GIMD1: variants seen among roughly 807,000 people sequenced by gnomAD.
GIMD1 encodes the protein GIMAP family P-loop NTPase domain containing 1.
In GIMD1, 14 loss-of-function variants were observed where a neutral mutation model predicts 14.9. That is an observed-to-expected ratio of 0.94 (90% CI 0.62 to 1.47). The LOEUF is 1.47. Ranked by LOEUF, GIMD1 falls within the 40% of genes most tolerant of loss-of-function variation. The probability of loss-of-function intolerance (pLI) is 0.00; values close to 1 mark genes in which losing one functional copy is unlikely to be tolerated. For synonymous variants in GIMD1, 91 were observed against 90.5 expected, an observed-to-expected ratio of 1.01 and a Z score of -0.03; for missense variants, 272 against 255.3, an observed-to-expected ratio of 1.07 and a Z score of -0.44.
chr4:106,367,867 G>A (rs957476498), intron 1 of GIMD1, among the ~76,000 whole-genome samples: 9 of 152,134 alleles, frequency 5.9e-5, no homozygotes. Context: ...AGTAAGAATA[G>A]AACAGTAGAA....
Position 106,367,424 on chromosome 4 carries a change from G to A in GIMD1, c.12C>T (p.Pro4=). The A allele has an allele frequency of 6.5e-7, 1 of 1,532,742 alleles. No homozygotes were observed. The highest frequency in any genetic ancestry group is 8.7e-7 in the Non-Finnish European group (1 of 1,144,832). 94.9% of individuals were successfully genotyped at this position (1,532,742 alleles called of 1,614,324 possible). Residue 4 remains proline (P), a synonymous_variant, in exon 2 of 3, where the codon CCC becomes CCT. Transcript: ENST00000638719. MTD[P]NKMIINLALF... is the part of the protein sequence containing the mutation. ...GGGCCAAGTTGATGATCATCTTGTT[G>A]GGGTCTGTCATGGCTGTAGGAAAAC...
At chr4:106,366,977 A>C (rs1770711859) in intron 2 of GIMD1, 66 bp downstream of exon 2, 1 of 444,982 alleles carries the variant, frequency 2.2e-6, no homozygotes, top group South Asian at 1.0e-4. Flanking sequence ...TATTATTATT[A>C]TACTATTAGG....
At position 106,358,063 on chromosome 4, in the gene GIMD1, G is replaced by A. The variant is rs1770558131; in HGVS notation, c.*120C>T. ...AGTTTTCCAAAGTGGTTATACCAAT[G>A]TACACTCTCACCAGCAGCATATCAG... On this transcript the variant is annotated 3_prime_UTR_variant, in exon 3 of 3. Transcript: ENST00000638719. 6 of 661,238 alleles carry A rather than the reference G, an allele frequency of 9.1e-6. No homozygotes were observed. The South Asian group carries it at 1.1e-4, about 12-fold the overall frequency. 41.0% of individuals were successfully genotyped at this position (661,238 alleles called of 1,614,324 possible).
Position 106,367,324 on chromosome 4 carries a change from A to C in GIMD1, c.112T>G (p.Phe38Val). ...LLGSTDFHSS[F>V]APCSVTTCCS... ...CATGTGGTCACAGAACAGGGAGCAA[A>C]GCTGCTGTGAAAGTCTGTGCTTCCC... Residue 38 changes from phenylalanine (F) to valine (V), a missense_variant, in exon 2 of 3, where the codon TTT becomes GTT. Coordinates refer to ENST00000638719, the MANE Select transcript of GIMD1 (RefSeq NM_001195138.2). The C allele has an allele frequency of 6.5e-7, 1 of 1,536,040 alleles. No individual in the cohort carries two copies. The highest frequency in any genetic ancestry group is 2.4e-5 in the East Asian group (1 of 40,904).
chr4:106,367,044 T>C lies in GIMD1; in HGVS notation c.392A>G (p.Gln131Arg). 3 of 1,511,634 alleles carry C rather than the reference T, an allele frequency of 2.0e-6. No individual in the cohort carries two copies. The highest frequency in any genetic ancestry group is 2.6e-6 in the Non-Finnish European group (3 of 1,133,286). 93.6% of individuals were successfully genotyped at this position (1,511,634 alleles called of 1,614,324 possible). The change falls in exon 2 of 3, where the codon CAG becomes CGG. Residue 131 changes from glutamine (Q) to arginine (R), a missense_variant and splice_region_variant. Coordinates refer to ENST00000638719, the MANE Select transcript of GIMD1 (RefSeq NM_001195138.2). Reference protein sequence around the residue: ...QEVTDPVQMIQELLGHAWMNY... With the variant: ...QEVTDPVQMIRELLGHAWMNY... Reference sequence around the variant, plus strand: ...AGTGTAATTGCATCTTAGTATTACCTGGATCATCTGGACTGGGTCAGTTAC... The same window carrying C: ...AGTGTAATTGCATCTTAGTATTACCCGGATCATCTGGACTGGGTCAGTTAC...
At chr4:106,367,016 A>G (rs372585737) in intron 2 of GIMD1, 27 bp downstream of exon 2, 2 of 1,350,110 alleles carry the variant, frequency 1.5e-6, no homozygotes, top group Non-Finnish European at 2.0e-6. Context: ...TAATAATGGC[A>G]TTAGTGTAAT....
At chr4:106,364,046 G>A (rs1242693465) in intron 2 of GIMD1, among the ~76,000 whole-genome samples, 5 of 151,926 alleles carry the variant, frequency 3.3e-5, no homozygotes, top group African/African-American at 1.2e-4. Context: ...GATAATATTT[G>A]AATAAATTCT....
chr4:106,360,041 A>G (rs1464473261), intron 2 of GIMD1, among the ~76,000 whole-genome samples: 1 of 151,988 alleles, frequency 6.6e-6, no homozygotes. Context: ...TGTTAAATTA[A>G]TTTGGAATTT....
rs990024496 is a variant in GIMD1 at position 106,357,444 on chromosome 4, T to C, written c.*739A>G. On this transcript the variant is annotated 3_prime_UTR_variant, in exon 3 of 3. Transcript: ENST00000638719. ...TTAACTTTTATTTAAATATAGCATA[T>C]ACAAGTAGTTTATAAATCACAAGTG... The C allele has an allele frequency of 2.6e-5, 4 of 152,088 alleles. No homozygotes were observed. The highest frequency in any genetic ancestry group is 2.6e-4 in the Admixed American group (4 of 15,238). 9.4% of individuals were successfully genotyped at this position (152,088 alleles called of 1,614,324 possible). A position where few individuals can be genotyped will look rare whatever the true frequency, so the allele number is the denominator to read the frequency against.
intron 1 of GIMD1, among the ~76,000 whole-genome samples, chr4:106,368,429 C>T (rs2125935221): frequency 6.6e-6 from 1 of 152,256 alleles, no homozygotes; most frequent in South Asian, 2.1e-4. Flanking sequence ...GATCTTGTAA[C>T]TTTATTACAC....
In GIMD1 at chr4:106,367,040, T is replaced by C; in HGVS notation, c.393+3A>G. The C allele has an allele frequency of 6.6e-7, 1 of 1,506,942 alleles. No individual in the cohort carries two copies. Among genetic ancestry groups the C allele is most frequent in the Non-Finnish European group, 8.8e-7 (1 of 1,130,522 alleles). 93.3% of individuals were successfully genotyped at this position (1,506,942 alleles called of 1,614,324 possible). A position where few individuals can be genotyped will look rare whatever the true frequency, so the allele number is the denominator to read the frequency against. The stretch of plus-strand genomic sequence containing the variant: ...CATTAGTGTAATTGCATCTTAGTAT[T>C]ACCTGGATCATCTGGACTGGGTCAG... On this transcript the variant is annotated splice_donor_region_variant and intron_variant, in intron 2 of 2. Coordinates refer to ENST00000638719, the MANE Select transcript of GIMD1 (RefSeq NM_001195138.2).
intron 2 of GIMD1, among the ~76,000 whole-genome samples, chr4:106,363,897 C>A (rs55818589): frequency 0.026 from 1,611 of 60,986 alleles, 50 homozygotes; most frequent in African/African-American, 0.084. Context: ...GGGGGGGGGG[C>A]GGAAATGGAC....
At chr4:106,359,147 T>C (rs1195789203) in intron 2 of GIMD1, among the ~76,000 whole-genome samples, 1 of 152,074 alleles carries the variant, frequency 6.6e-6, no homozygotes, top group South Asian at 2.1e-4. Context: ...GTTTGATTAG[T>C]GAATATAAGC....
intron 2 of GIMD1, among the ~76,000 whole-genome samples, chr4:106,364,976 G>A (rs1012884668): frequency 6.6e-6 from 1 of 151,860 alleles, no homozygotes; most frequent in South Asian, 2.1e-4. Context: ...TTCATGGTAG[G>A]GAAATATTGA....
rs1296218099 is a variant in GIMD1 at position 106,367,029 on chromosome 4, C to A, written c.393+14G>T. ...AGTAATAATGGCATTAGTGTAATTG[C>A]ATCTTAGTATTACCTGGATCATCTG... On this transcript the variant is annotated intron_variant, in intron 2 of 2. Coordinates refer to ENST00000638719, the MANE Select transcript of GIMD1 (RefSeq NM_001195138.2). 1.4e-6 allele frequency: 2 copies of A among 1,460,168 alleles called. No homozygotes were observed. The highest frequency in any genetic ancestry group is 1.8e-6 in the Non-Finnish European group (2 of 1,101,390). 90.5% of individuals were successfully genotyped at this position (1,460,168 alleles called of 1,614,324 possible).
intron 2 of GIMD1, 150 bp from the exon 3 acceptor site, chr4:106,358,593 G>A (rs558921362): frequency 3.4e-6 from 2 of 589,626 alleles, no homozygotes; most frequent in East Asian, 6.0e-5. Flanking sequence ...TGAAGACAGG[G>A]TCAAGTATTT....
chr4:106,361,303 T>C (rs946327897), intron 2 of GIMD1, among the ~76,000 whole-genome samples: 6 of 152,050 alleles, frequency 3.9e-5, no homozygotes, highest in Non-Finnish European at 7.4e-5. Context: ...TTGAATTTGT[T>C]TCAATTGCAA....
At chr4:106,362,637 T>C (rs775124968) in intron 2 of GIMD1, among the ~76,000 whole-genome samples, 1 of 152,082 alleles carries the variant, frequency 6.6e-6, no homozygotes, top group Non-Finnish European at 1.5e-5. Context: ...TCATAGCATC[T>C]GGACTTTTTA....
chr4:106,362,704 A>G (rs1017733826), intron 2 of GIMD1, among the ~76,000 whole-genome samples: 9 of 152,100 alleles, frequency 5.9e-5, no homozygotes, highest in African/African-American at 1.9e-4. Flanking sequence ...AAAAATTATC[A>G]CGGAACAGGA....
Sources: gnomAD v4.1 joint callset for allele counts (sites outside exome capture counted in the v4.1 genomes callset) on GRCh38, gnomAD v4.1.1 for gene constraint, MANE v1.5 for transcripts, NCBI Gene and HGNC (gene_info 2026-07-23, HGNC 2026-07-21) for gene names.